The following SLIRP variants were observed in gnomAD, a reference collection of about 807,000 sequenced individuals.
The protein encoded by SLIRP is SRA stem-loop-interacting RNA-binding protein, mitochondrial.
In SLIRP, 12 loss-of-function variants were observed where a neutral mutation model predicts 13.4. The observed-to-expected ratio is 0.89, with a 90% CI of 0.57 to 1.45. The LOEUF is 1.45. Ranked by LOEUF, SLIRP falls within the 40% of genes most tolerant of loss-of-function variation. SLIRP has a pLI of 0.00. For synonymous variants in SLIRP, 55 were observed against 47.1 expected, an observed-to-expected ratio of 1.17 and a Z score of -0.69; for missense variants, 154 against 132.2, an observed-to-expected ratio of 1.17 and a Z score of -0.81.
chr14:77,708,099 C>G (rs773514943), upstream of SLIRP: 59 of 1,613,558 alleles, frequency 3.7e-5, no homozygotes, highest in East Asian at 6.7e-5. Flanking sequence ...CGAGAAGGTG[C>G]TTTAGTCTGA....
At chr14:77,714,804 A>C (rs1431507027) in intron 2 of SLIRP, among the ~76,000 whole-genome samples, 1 of 152,212 alleles carries the variant, frequency 6.6e-6, no homozygotes, top group Non-Finnish European at 1.5e-5. Context: ...AAAGCACAGC[A>C]TGACTTGAAT....
chr14:77,713,129 T>C (rs1269010826), intron 2 of SLIRP, among the ~76,000 whole-genome samples: 3 of 152,212 alleles, frequency 2.0e-5, no homozygotes, highest in Non-Finnish European at 4.4e-5. Context: ...GGACTTGAGA[T>C]TTCTAATAAT....
At chr14:77,712,447 T>A (rs1259543618) in intron 2 of SLIRP, among the ~76,000 whole-genome samples, 2 of 133,858 alleles carry the variant, frequency 1.5e-5, no homozygotes, top group Non-Finnish European at 3.2e-5. Flanking sequence ...CTAATTTTTT[T>A]TTTTTTTTTT....
At position 77,717,567 on chromosome 14, in the gene SLIRP, CAGCCTATTAA is replaced by C. The variant is rs757887691; in HGVS notation, c.*7_*16del. ...ATGAAAAGAAAGATTTTTGAGACTGCAGCCTATTAATAAAGTTAACATAACTGAGAATTTT... is the reference window on the plus strand; with the variant it reads ...ATGAAAAGAAAGATTTTTGAGACTGCTAAAGTTAACATAACTGAGAATTTT... On this transcript the variant is annotated 3_prime_UTR_variant, in exon 4 of 4. Transcript: ENST00000557342. 8.1e-6 allele frequency: 13 copies of C among 1,610,270 alleles called. No individual in the cohort carries two copies. The South Asian group carries it at 1.4e-4, about 18-fold the overall frequency.
At chr14:77,710,266 A>T (rs1182902997) in intron 1 of SLIRP, among the ~76,000 whole-genome samples, 1 of 152,164 alleles carries the variant, frequency 6.6e-6, no homozygotes, top group East Asian at 1.9e-4. Flanking sequence ...TTATAGTGTT[A>T]CAAGTTAGCC....
chr14:77,711,807 C>A (rs1417497672), intron 2 of SLIRP: 1 of 152,340 alleles, frequency 6.6e-6, no homozygotes, highest in Non-Finnish European at 1.5e-5. Context: ...TATCCGCACA[C>A]CTCGGCCTCC....
intron 1 of SLIRP, 118 bp downstream of exon 1, chr14:77,708,326 G>C: frequency 1.0e-6 from 1 of 984,468 alleles, no homozygotes; most frequent in Non-Finnish European, 1.5e-6. Flanking sequence ...CTGCTCCTGA[G>C]CATGCAAGTG....
intron 2 of SLIRP, 71 bp downstream of exon 2, chr14:77,710,967 A>C: frequency 7.7e-7 from 1 of 1,296,174 alleles, no homozygotes; most frequent in Non-Finnish European, 1.1e-6. Flanking sequence ...AATGAATAAG[A>C]CCTATTTGAT....
At chr14:77,716,665 T>G (rs1467364274) in intron 3 of SLIRP, among the ~76,000 whole-genome samples, 1,167 of 114,112 alleles carry the variant, frequency 0.01, 13 homozygotes, top group African/African-American at 0.035. Context: ...AAAAAAAAAA[T>G]GGGGGGTGGT....
At position 77,711,372 on chromosome 14, in the gene SLIRP, C is replaced by A. The variant is rs190168480; in HGVS notation, c.156+476C>A. 4.5e-4 allele frequency among the ~76,000 whole-genome samples: 68 copies of A among 152,150 alleles called. No homozygotes were observed. The East Asian group carries it at 0.01, about 22-fold the overall frequency. ...TTGCAACAGGGTCTCGCTCTGTCCC[C>A]CTGCAGGGGTGCAGTGGCCTGATCT... On this transcript the variant is annotated intron_variant, in intron 2 of 3. Transcript: ENST00000557342.
chr14:77,708,488 TG>T (rs2080413927), intron 1 of SLIRP, among the ~76,000 whole-genome samples: 1 of 152,200 alleles, frequency 6.6e-6, no homozygotes, highest in Non-Finnish European at 1.5e-5. Context: ...GGGATAATTT[TG>T]ACTGTAGTGT....
chr14:77,708,071 G>T, upstream of SLIRP: 1 of 1,610,418 alleles, frequency 6.2e-7, no homozygotes, highest in South Asian at 1.1e-5. Context: ...AATTTTTTCC[G>T]GGGCCGCGAC....
chr14:77,717,440 TTTG>T lies in SLIRP; in HGVS notation c.265-55_265-53del. ...GACTCCCTAATAAAGTGATTTTCAG[TTTG>T]AATGTTTTTGCAGACATTGCCTTTC... On this transcript the variant is annotated intron_variant, in intron 3 of 3. Transcript: ENST00000557342. The T allele has an allele frequency of 8.3e-6, 12 of 1,445,056 alleles. No individual in the cohort carries two copies. The South Asian group carries it at 1.4e-4, about 17-fold the overall frequency. The allele number at this position is 1,445,056 out of a possible 1,614,324, so 89.5% of individuals were successfully genotyped here.
chr14:77,713,450 A>G (rs913990703), intron 2 of SLIRP, among the ~76,000 whole-genome samples: 34 of 152,182 alleles, frequency 2.2e-4, no homozygotes, highest in African/African-American at 8.2e-4. Flanking sequence ...CTTGACTCCC[A>G]AAGACTAACA....
chr14:77,716,874 G>A (rs1347654769), intron 3 of SLIRP, among the ~76,000 whole-genome samples: 1 of 151,976 alleles, frequency 6.6e-6, no homozygotes, highest in African/African-American at 2.4e-5. Context: ...CGATTCTCCT[G>A]CCTCAACCTC....
chr14:77,710,962 A>G (rs1365868455), intron 2 of SLIRP, 66 bp downstream of exon 2: 1 of 1,345,152 alleles, frequency 7.4e-7, no homozygotes, highest in African/African-American at 1.4e-5. Context: ...AATAGAATGA[A>G]TAAGACCTAT....
chr14:77,712,818 T>C (rs1211963540), intron 2 of SLIRP, among the ~76,000 whole-genome samples: 1 of 152,176 alleles, frequency 6.6e-6, no homozygotes, highest in Non-Finnish European at 1.5e-5. Flanking sequence ...GGAGCTGCTC[T>C]CACCTAGGAA....
chr14:77,708,172 G>C lies in SLIRP; in HGVS notation c.61G>C (p.Ala21Pro). The change falls in exon 1 of 4, where the codon GCT becomes CCT. Residue 21 changes from alanine (A) to proline (P), a missense_variant. Coordinates refer to ENST00000557342, the MANE Select transcript of SLIRP (RefSeq NM_031210.6). ...ALRRSINQPV[A>P]FVRRIPWTAA... The stretch of plus-strand genomic sequence containing the variant: ...GCGTAGAAGTATCAATCAGCCGGTT[G>C]CTTTTGTGAGAAGAATTCCTTGGAC... The C allele has an allele frequency of 3.7e-6, 6 of 1,614,208 alleles. No homozygotes were observed. Among genetic ancestry groups the C allele is most frequent in the African/African-American group, 1.3e-5 (1 of 75,056 alleles).
chr14:77,709,444 C>G (rs992996724), intron 1 of SLIRP, among the ~76,000 whole-genome samples: 11 of 152,160 alleles, frequency 7.2e-5, no homozygotes, highest in Admixed American at 2.0e-4. Context: ...TCCCGTAGTC[C>G]CTGTGAAACT....
Sources: allele counts gnomAD v4.1 joint callset (sites outside exome capture counted in the v4.1 genomes callset), GRCh38; gene constraint gnomAD v4.1.1; transcripts MANE v1.5; gene names NCBI Gene and HGNC (gene_info 2026-07-23, HGNC 2026-07-21).